Variants in C2CD5 observed in about 807,000 individuals in gnomAD.
The protein encoded by C2CD5 is C2 calcium dependent domain containing 5.
Under a neutral mutation model 130.3 loss-of-function variants are expected in C2CD5, and 109 were observed. The observed-to-expected ratio is 0.84, with a 90% CI of 0.72 to 0.98. The LOEUF (loss-of-function observed/expected upper bound fraction) is 0.98. Among genes scored for constraint, C2CD5 ranks in the 50% least tolerant of loss-of-function variants. The pLI, the probability that C2CD5 is intolerant of heterozygous loss-of-function variation, is 0.00. For synonymous variants in C2CD5, 454 were observed against 429.2 expected (o/e 1.06, Z -0.71); for missense variants, 996 against 1,261.8 (o/e 0.79, Z 3.19).
intron 20 of C2CD5, 130 bp downstream of exon 20, chr12:22,471,269 C>T (rs949203895): frequency 1.6e-5 from 10 of 619,708 alleles, no homozygotes; most frequent in Non-Finnish European, 2.3e-5. Flanking sequence ...TGCATACTAA[C>T]ATATATTTTT....
chr12:22,502,535 G>A (rs925103529), intron 10 of C2CD5, among the ~76,000 whole-genome samples: 1 of 151,998 alleles, frequency 6.6e-6, no homozygotes, highest in Admixed American at 6.6e-5. Flanking sequence ...TATTTCTATG[G>A]CTTTCATTAA....
intron 5 of C2CD5, 116 bp downstream of exon 5, chr12:22,525,492 CTT>C: frequency 2.8e-6 from 2 of 707,332 alleles, no homozygotes; most frequent in Non-Finnish European, 5.1e-6. Context: ...ACAATTTTCT[CTT>C]TGGCATTAAA....
In C2CD5 at chr12:22,513,285, G is replaced by A. The variant is rs761007629; in HGVS notation, c.1038+9C>T. The A allele has an allele frequency of 3.2e-6, 5 of 1,570,008 alleles. No individual in the cohort carries two copies. The South Asian group carries it at 5.6e-5, about 17-fold the overall frequency. On this transcript the variant is annotated intron_variant, in intron 9 of 26. Transcript: ENST00000446597. Reference sequence around the variant, plus strand: ...AGTGTAAGAACAAAGAATATCAAGTGAATCTTACCCTCTGTTCCAACGCTG... The same window carrying A: ...AGTGTAAGAACAAAGAATATCAAGTAAATCTTACCCTCTGTTCCAACGCTG...
rs1306131441 is a variant in C2CD5 at position 22,482,857 on chromosome 12, GCTTA to G, written c.1551-118_1551-115del. On this transcript the variant is annotated intron_variant, in intron 13 of 26. Coordinates refer to ENST00000446597, the MANE Select transcript of C2CD5 (RefSeq NM_001286176.2). Reference sequence around the variant, plus strand: ...TAAAACATTTACTTGTTTCTAATGGGCTTACTGAGTTATATCAATAATCTGTTCT... The same window carrying G: ...TAAAACATTTACTTGTTTCTAATGGGCTGAGTTATATCAATAATCTGTTCT... 1.2e-5 allele frequency: 9 copies of G among 721,814 alleles called. No homozygotes were observed. In the African/African-American group the frequency reaches 1.4e-4, roughly 12 times the overall value. 44.7% of individuals were successfully genotyped at this position (721,814 alleles called of 1,614,324 possible).
chr12:22,540,107 T>A lies in C2CD5; in HGVS notation c.90+3954A>T, dbSNP rs1952216126. Among the ~76,000 whole-genome samples, 3 of 152,184 alleles carry A rather than the reference T, an allele frequency of 2.0e-5. No individual in the cohort carries two copies. The South Asian group carries it at 6.2e-4, about 31-fold the overall frequency. ...ATTGTCAAGAACTACAACCATCATG[T>A]AAATCAAGAGGCAACTCTGCTTTTT... On this transcript the variant is annotated intron_variant, in intron 2 of 26. Transcript: ENST00000446597.
chr12:22,454,929 C>T (rs180798566), intron 25 of C2CD5, among the ~76,000 whole-genome samples: 2 of 152,124 alleles, frequency 1.3e-5, no homozygotes, highest in East Asian at 3.9e-4. Context: ...GGTACTTTTC[C>T]CATATTGAAA....
intron 8 of C2CD5, among the ~76,000 whole-genome samples, chr12:22,513,970 T>C (rs1463105093): frequency 6.6e-6 from 1 of 152,150 alleles, no homozygotes; most frequent in Non-Finnish European, 1.5e-5. Flanking sequence ...ACATAAACTT[T>C]TTTTAAGTAA....
chr12:22,490,216 T>C lies in C2CD5; in HGVS notation c.1265A>G (p.Glu422Gly). 6.2e-7 allele frequency: 1 copy of C among 1,608,950 alleles called. No homozygotes were observed. Among genetic ancestry groups the C allele is most frequent in the Non-Finnish European group, 8.5e-7 (1 of 1,175,652 alleles). Residue 422 changes from glutamate (E) to glycine (G), a missense_variant and splice_region_variant, in exon 12 of 27, where the codon GAA becomes GGA. Physicochemically the swap from Glu to Gly is moderately conservative, Grantham distance 98. Transcript: ENST00000446597. ...VGYSESTSIC[E>G]EVCILSASGT... ...AGATGCAGATAAAATGCAGACCTCT[T>C]CACTATAAAGGAAAAAACACAAACA...
intron 10 of C2CD5, among the ~76,000 whole-genome samples, chr12:22,502,548 C>T (rs1245501251): frequency 6.6e-6 from 1 of 152,102 alleles, no homozygotes; most frequent in African/African-American, 2.4e-5. Context: ...TTCATTAATT[C>T]ATTTTAGTTA....
chr12:22,518,979 G>T, intron 7 of C2CD5: 1 of 674,348 alleles, frequency 1.5e-6, no homozygotes, highest in Non-Finnish European at 2.4e-6. Flanking sequence ...GTTCCTCACT[G>T]CAGCTGGACT....
intron 12 of C2CD5, among the ~76,000 whole-genome samples, chr12:22,486,523 T>C (rs2136363720): frequency 6.6e-6 from 1 of 152,280 alleles, no homozygotes; most frequent in South Asian, 2.1e-4. Context: ...ATACAACTGC[T>C]GAGGACTAGC....
At chr12:22,532,265 G>A (rs1280627629) in intron 3 of C2CD5, among the ~76,000 whole-genome samples, 1 of 151,740 alleles carries the variant, frequency 6.6e-6, no homozygotes, top group Non-Finnish European at 1.5e-5. Flanking sequence ...GAGAGGCAGA[G>A]GTTGCAGTGA....
At chr12:22,500,673 A>G (rs978972071) in intron 10 of C2CD5, among the ~76,000 whole-genome samples, 1 of 152,182 alleles carries the variant, frequency 6.6e-6, no homozygotes, top group Non-Finnish European at 1.5e-5. Context: ...GTGGCACAAA[A>G]TAAATTCTGA....
Position 22,527,793 on chromosome 12 carries a change from T to A in C2CD5, c.277A>T (p.Ile93Phe). 1 of 1,610,122 alleles carries A rather than the reference T, an allele frequency of 6.2e-7. No individual in the cohort carries two copies. Among genetic ancestry groups the A allele is most frequent in the Non-Finnish European group, 8.5e-7 (1 of 1,176,718 alleles). Residue 93 changes from isoleucine (I) to phenylalanine (F), a missense_variant, in exon 4 of 27, where the codon ATT (isoleucine) becomes TTT (phenylalanine). Around this residue, in one of 9 missense-constraint regions of C2CD5, gnomAD observed 68 missense variants for 154.5 expected, o/e 0.44. Coordinates refer to ENST00000446597, the MANE Select transcript of C2CD5 (RefSeq NM_001286176.2). The stretch of plus-strand genomic sequence containing the variant: ...GCTTCACTATACAGTAAAGGATCAA[T>A]ATCAATGTACACTTTACCAATGGCA... The part of the protein sequence containing the change: ...NDAIGKVYID[I>F]DPLLYSEAAT...
chr12:22,517,697 T>A (rs543766580), intron 8 of C2CD5, among the ~76,000 whole-genome samples: 87 of 152,336 alleles, frequency 5.7e-4, no homozygotes, highest in African/African-American at 2.0e-3. Context: ...TGTTTTAAGA[T>A]GTTATTCCTT....
At chr12:22,473,968 T>C (rs1943442944) in intron 16 of C2CD5, among the ~76,000 whole-genome samples, 1 of 152,126 alleles carries the variant, frequency 6.6e-6, no homozygotes, top group Non-Finnish European at 1.5e-5. Flanking sequence ...AAACTGACAC[T>C]CTCACCTTGG....
Position 22,471,507 on chromosome 12 carries a change from T to C in C2CD5, c.2269-19A>G, listed in dbSNP as rs369692375. 1.2e-5 allele frequency: 16 copies of C among 1,354,442 alleles called. No homozygotes were observed. The African/African-American group carries it at 2.2e-4, about 19-fold the overall frequency. 83.9% of individuals were successfully genotyped at this position (1,354,442 alleles called of 1,614,324 possible). On this transcript the variant is annotated intron_variant, in intron 19 of 26. Transcript: ENST00000446597. ...ACAGGCTCTACACAATAGAAAATAT[T>C]AGTAATGTCACTTTTTTATTTAAAA...
At chr12:22,510,361 A>G (rs1317900029) in intron 9 of C2CD5, among the ~76,000 whole-genome samples, 2 of 152,234 alleles carry the variant, frequency 1.3e-5, no homozygotes, top group Admixed American at 6.5e-5. Context: ...ATAAAGTTAC[A>G]TGCTGATGCT....
intron 16 of C2CD5, among the ~76,000 whole-genome samples, 184 bp from the exon 17 acceptor site, chr12:22,472,991 G>T (rs1023964855): frequency 6.6e-6 from 1 of 151,998 alleles, no homozygotes; most frequent in African/African-American, 2.4e-5. Flanking sequence ...ACTTCCAAGT[G>T]AAATATTTTA....
Sources: gnomAD v4.1 joint callset for allele counts (sites outside exome capture counted in the v4.1 genomes callset) on GRCh38, gnomAD v4.1.1 for gene constraint, gnomAD v4.1.1 regional missense constraint, MANE v1.5 for transcripts, NCBI Gene and HGNC (gene_info 2026-07-23, HGNC 2026-07-21) for gene names.